The following PHF8 variants were observed in gnomAD, a reference collection of about 807,000 sequenced individuals.
PHF8 encodes PHD finger protein 8.
PHF8 carries 9 observed loss-of-function variants against 74.4 expected under a neutral mutation model. The observed-to-expected ratio is 0.12, with a 90% CI of 0.07 to 0.21. The LOEUF is 0.21. Ranked by LOEUF, PHF8 falls within the 10% of genes least tolerant of loss-of-function variation. The probability of loss-of-function intolerance (pLI) is 1.00; values close to 1 mark genes in which losing one functional copy is unlikely to be tolerated. For missense variants in PHF8, 478 were observed against 816.6 expected (o/e 0.59, Z 5.05); for synonymous variants, 311 against 316.6 (o/e 0.98, Z 0.19).
intron 18 of PHF8, among the ~76,000 whole-genome samples, chrX:53,974,348 A>C (rs1211844143): frequency 8.9e-6 from 1 of 112,225 alleles, no homozygotes; most frequent in Non-Finnish European, 1.9e-5. Flanking sequence ...AATGCAAATC[A>C]AAACCACAAT....
rs1220032301 is a variant in PHF8, at chrX:53,940,264, G to A, written c.2902C>T (p.Arg968Cys). 4 of 1,199,336 alleles carry A rather than the reference G, an allele frequency of 3.3e-6. No individual in the cohort carries two copies. The highest frequency in any genetic ancestry group is 2.3e-5 in the Admixed American group (1 of 44,211). ...CCGGGGGCCATAGGTGTGGTGCTGC[G>A]GTTTGCCTGGGCCATGCCAAAGGCA... ...PNAFGMAQAN[R>C]STTPMAPGVF... is the part of the protein sequence containing the mutation. Residue 968 changes from arginine to cysteine, a missense_variant, in exon 21 of 22, where the codon CGC becomes TGC. By Grantham distance (180) the Arg-to-Cys change is radical. Transcript: ENST00000338154.
intron 2 of PHF8, among the ~76,000 whole-genome samples, chrX:54,027,412 TAA>T (rs376755417): frequency 5.5e-4 from 61 of 111,185 alleles, no homozygotes; most frequent in African/African-American, 2.0e-3. Context: ...GTATATACAG[TAA>T]AAAGTCTCCC....
chrX:53,975,458 G>A (rs2065358960), intron 18 of PHF8, among the ~76,000 whole-genome samples: 1 of 112,152 alleles, frequency 8.9e-6, no homozygotes, highest in Non-Finnish European at 1.9e-5. Context: ...GCCAAGATAT[G>A]GAATCAACCT....
At chrX:53,983,333 G>A (rs2065508262) in intron 18 of PHF8, among the ~76,000 whole-genome samples, 1 of 111,266 alleles carries the variant, frequency 9.0e-6, no homozygotes, top group Non-Finnish European at 1.9e-5. Context: ...GAATATATAA[G>A]GAACTCTTAC....
chrX:53,992,740 C>T lies in PHF8; in HGVS notation c.1726G>A (p.Gly576Ser), dbSNP rs782502760. 6.4e-5 allele frequency: 74 copies of T among 1,148,448 alleles called. 2 individuals carry two copies. In the South Asian group the frequency reaches 1.1e-3, roughly 18 times the overall value. 94.6% of individuals were successfully genotyped at this position (1,148,448 alleles called of 1,213,427 possible). ...TGCTCCTCCTTCCCACCTCACCTGC[C>T]GTTAGACATCAATAGGGCCAATGGG... The part of the protein sequence containing the change: ...ESPLALLMSN[G>S]STKRVKSLSK... The change falls in exon 14 of 22, where the codon GGC (glycine) becomes AGC (serine). Residue 576 changes from glycine (G) to serine (S), a missense_variant. By Grantham distance (56) the Gly-to-Ser change is moderately conservative. Around this residue, in one of 9 missense-constraint regions of PHF8, gnomAD observed 153 missense variants for 164.8 expected, o/e 0.93. Coordinates refer to ENST00000338154, the MANE Select transcript of PHF8 (RefSeq NM_015107.3).
rs782608966 is a variant in PHF8, at chrX:54,022,324, C to T, written c.228G>A (p.Lys76=). ...RGSSKGHDTH[K]GKPVKTGSPT... is the part of the protein sequence containing the mutation. ...GGCTCCCGGTCTTCACTGGTTTCCC[C>T]TTGTGTGTATCATGCCCCTTTGAAG... Residue 76 remains lysine, a synonymous_variant, in exon 4 of 22, where the codon AAG becomes AAA. Transcript: ENST00000338154. 8.3e-7 allele frequency: 1 copy of T among 1,207,874 alleles called. No homozygotes were observed. The highest frequency in any genetic ancestry group is 1.1e-6 in the Non-Finnish European group (1 of 891,899).
intron 18 of PHF8, among the ~76,000 whole-genome samples, chrX:53,978,527 A>C (rs1385472862): frequency 1.8e-5 from 2 of 111,006 alleles, no homozygotes; most frequent in Non-Finnish European, 3.8e-5. Context: ...GGCCGGGTGC[A>C]GTGGCTTATG....
At chrX:54,006,494 T>C in intron 8 of PHF8, among the ~76,000 whole-genome samples, 1 of 110,791 alleles carries the variant, frequency 9.0e-6, no homozygotes, top group East Asian at 2.8e-4. Flanking sequence ...AAAAAAGAGG[T>C]ATGGTTTCAA....
At chrX:54,018,103 C>G (rs1421434685) in intron 4 of PHF8, among the ~76,000 whole-genome samples, 1 of 111,984 alleles carries the variant, frequency 8.9e-6, no homozygotes, top group Non-Finnish European at 1.9e-5. Flanking sequence ...ACACATCTGA[C>G]AAGTTTGACA....
At chrX:53,998,618 T>C (rs1327879536) in intron 11 of PHF8, among the ~76,000 whole-genome samples, 2 of 111,351 alleles carry the variant, frequency 1.8e-5, no homozygotes, top group African/African-American at 3.3e-5. Flanking sequence ...AGATCATATA[T>C]CCAGGCAAGT....
chrX:53,945,530 A>T (rs1190627327), intron 19 of PHF8, among the ~76,000 whole-genome samples: 1 of 110,065 alleles, frequency 9.1e-6, no homozygotes, highest in African/African-American at 3.3e-5. Flanking sequence ...AATAATAATA[A>T]AATAATAATA....
At chrX:53,966,618 A>G (rs1557092755) in intron 18 of PHF8, among the ~76,000 whole-genome samples, 1 of 111,793 alleles carries the variant, frequency 8.9e-6, no homozygotes, top group Non-Finnish European at 1.9e-5. Context: ...TTGGCCTCCC[A>G]AAGTGCCCAG....
intron 19 of PHF8, among the ~76,000 whole-genome samples, chrX:53,956,691 T>C (rs1317590590): frequency 1.8e-5 from 2 of 109,320 alleles, no homozygotes; most frequent in African/African-American, 6.7e-5. Flanking sequence ...TGTGTGTGTG[T>C]GTGTGTGTGT....
At chrX:54,032,679 T>G (rs182634975) in intron 2 of PHF8, among the ~76,000 whole-genome samples, 16 of 111,267 alleles carry the variant, frequency 1.4e-4, no homozygotes, top group Non-Finnish European at 2.3e-4. Flanking sequence ...GTTAGTTTAC[T>G]GTCTCATGTT....
intron 7 of PHF8, among the ~76,000 whole-genome samples, chrX:54,013,080 C>CACA (rs1408441114): frequency 1.8e-5 from 2 of 110,793 alleles, no homozygotes; most frequent in African/African-American, 6.5e-5. Context: ...ACTGCACCAC[C>CACA]ACACTCCAGC....
intron 11 of PHF8, among the ~76,000 whole-genome samples, chrX:53,996,559 C>A (rs186665434): frequency 5.9e-4 from 65 of 110,177 alleles, no homozygotes; most frequent in African/African-American, 1.8e-3. Flanking sequence ...TTACTATTTT[C>A]TTGAGACAGA....
At chrX:54,009,859 A>G (rs1470218513) in intron 8 of PHF8, among the ~76,000 whole-genome samples, 2 of 82,003 alleles carry the variant, frequency 2.4e-5, no homozygotes, top group African/African-American at 1.4e-4. Context: ...AAAAAAAAAA[A>G]AAAAAAAAAA....
chrX:54,009,844 G>GAAAAAAAAAAAAAA (rs782363250), intron 8 of PHF8, among the ~76,000 whole-genome samples: 1 of 9,390 alleles, frequency 1.1e-4, no homozygotes, highest in African/African-American at 1.6e-4. Context: ...CTCTGTCTCA[G>GAAAAAAAAAAAAAA]AAAAAAAAAA....
At chrX:53,981,888 A>G (rs782650014) in intron 18 of PHF8, among the ~76,000 whole-genome samples, 20 of 112,328 alleles carry the variant, frequency 1.8e-4, no homozygotes, top group African/African-American at 5.8e-4. Flanking sequence ...AATGCCTCTG[A>G]TGAAAGATAG....
Sources: allele counts gnomAD v4.1 joint callset (sites outside exome capture counted in the v4.1 genomes callset), GRCh38; gene constraint gnomAD v4.1.1; regional missense constraint gnomAD v4.1.1; transcripts MANE v1.5; gene names NCBI Gene and HGNC (gene_info 2026-07-23, HGNC 2026-07-21).